Variants in CLCN5 observed in about 807,000 individuals in gnomAD.
CLCN5 encodes the protein H(+)/Cl(-) exchange transporter 5.
In CLCN5, 17 loss-of-function variants were observed where a neutral mutation model predicts 54.0. That is an observed-to-expected ratio of 0.31 (90% CI 0.22 to 0.47). CLCN5 has a LOEUF of 0.47. Ranked by LOEUF, CLCN5 falls within the 20% of genes least tolerant of loss-of-function variation. CLCN5 has a pLI of 1.00. For synonymous variants in CLCN5, 222 were observed against 233.0 expected (o/e 0.95, Z 0.43); for missense variants, 448 against 646.7 (o/e 0.69, Z 3.33).
At chrX:50,063,781 T>A (rs2147524043) in intron 4 of CLCN5, among the ~76,000 whole-genome samples, 1 of 110,637 alleles carries the variant, frequency 9.0e-6, no homozygotes, top group Admixed American at 9.6e-5. Flanking sequence ...GCAAACCGAA[T>A]CCAGCAGCAC....
intron 3 of CLCN5, among the ~76,000 whole-genome samples, chrX:49,971,123 G>T (rs1384528427): frequency 9.3e-6 from 1 of 107,442 alleles, no homozygotes; most frequent in African/African-American, 3.4e-5. Flanking sequence ...ATATAAAAAT[G>T]CATGGATTTT....
At chrX:49,990,670 T>G (rs782489404) in intron 3 of CLCN5, among the ~76,000 whole-genome samples, 2 of 112,116 alleles carry the variant, frequency 1.8e-5, no homozygotes, top group South Asian at 3.7e-4. Flanking sequence ...ACTCCTTACC[T>G]TAAGTGTTCT....
intron 3 of CLCN5, among the ~76,000 whole-genome samples, chrX:50,031,927 T>A (rs1291428503): frequency 1.1e-5 from 1 of 91,303 alleles, no homozygotes; most frequent in Non-Finnish European, 2.1e-5. Flanking sequence ...TGTCCATGTG[T>A]TCTCATTGTT....
At chrX:50,051,927 AT>A (rs1381489539) in intron 4 of CLCN5, among the ~76,000 whole-genome samples, 1 of 111,260 alleles carries the variant, frequency 9.0e-6, no homozygotes, top group African/African-American at 3.3e-5. Flanking sequence ...CCCCTTCAGG[AT>A]TTTTTTAGGA....
intron 4 of CLCN5, among the ~76,000 whole-genome samples, chrX:50,065,765 A>T: frequency 9.5e-6 from 1 of 104,921 alleles, no homozygotes; most frequent in Non-Finnish European, 1.9e-5. Flanking sequence ...ACCAAGCCAA[A>T]TGTCCAACAA....
At chrX:49,971,157 C>G (rs1256620841) in intron 3 of CLCN5, among the ~76,000 whole-genome samples, 1 of 105,785 alleles carries the variant, frequency 9.5e-6, no homozygotes, top group Non-Finnish European at 1.9e-5. Context: ...CTTGTATCCT[C>G]CAACCTTGCT....
At chrX:50,035,405 C>G (rs1196855126) in intron 3 of CLCN5, among the ~76,000 whole-genome samples, 2 of 111,593 alleles carry the variant, frequency 1.8e-5, no homozygotes, top group African/African-American at 6.5e-5. Flanking sequence ...CCTCAGTAAG[C>G]ATTTATTGAA....
chrX:49,975,538 A>G (rs1329420713), intron 3 of CLCN5, among the ~76,000 whole-genome samples: 1 of 111,246 alleles, frequency 9.0e-6, no homozygotes, highest in East Asian at 2.8e-4. Flanking sequence ...TCATCTTTGC[A>G]TATGCCCTGC....
At chrX:49,971,793 A>G (rs1412005847) in intron 3 of CLCN5, among the ~76,000 whole-genome samples, 3 of 112,004 alleles carry the variant, frequency 2.7e-5, no homozygotes, top group Non-Finnish European at 5.6e-5. Context: ...AAGATTTAGC[A>G]GATTTTGTTG....
chrX:49,937,792 G>A (rs1926080340), intron 3 of CLCN5, among the ~76,000 whole-genome samples: 1 of 111,647 alleles, frequency 9.0e-6, no homozygotes, highest in Non-Finnish European at 1.9e-5. Context: ...TTTAAATGTT[G>A]CAAGTGAATG....
chrX:50,028,253 G>C (rs1489888654), intron 3 of CLCN5, among the ~76,000 whole-genome samples: 2 of 111,730 alleles, frequency 1.8e-5, no homozygotes, highest in African/African-American at 6.5e-5. Flanking sequence ...TTTTCATGAA[G>C]GTATGCCTTA....
intron 3 of CLCN5, among the ~76,000 whole-genome samples, chrX:50,006,968 C>T (rs1426306158): frequency 9.0e-6 from 1 of 111,128 alleles, no homozygotes; most frequent in Non-Finnish European, 1.9e-5. Flanking sequence ...TTCCCACCCC[C>T]CAAGCACCCC....
At chrX:49,938,778 A>G (rs1264593711) in intron 3 of CLCN5, among the ~76,000 whole-genome samples, 1 of 105,555 alleles carries the variant, frequency 9.5e-6, no homozygotes, top group African/African-American at 3.4e-5. Flanking sequence ...ACAAAAGCCA[A>G]AATTGACAAA....
At chrX:50,042,026 T>G (rs1456403963) in intron 3 of CLCN5, among the ~76,000 whole-genome samples, 1 of 112,089 alleles carries the variant, frequency 8.9e-6, no homozygotes, top group Non-Finnish European at 1.9e-5. Context: ...GTGTCACATA[T>G]TGTGTGATTT....
intron 3 of CLCN5, among the ~76,000 whole-genome samples, chrX:50,033,068 C>T (rs1253255781): frequency 1.8e-5 from 2 of 111,023 alleles, no homozygotes; most frequent in Non-Finnish European, 3.8e-5. Flanking sequence ...CTGTTCTGTT[C>T]CATTGATCTA....
intron 9 of CLCN5, among the ~76,000 whole-genome samples, chrX:50,083,557 A>G (rs1273868518): frequency 8.9e-6 from 1 of 112,078 alleles, no homozygotes; most frequent in African/African-American, 3.2e-5. Context: ...TATTTTGATC[A>G]TTGAACTGTG....
At chrX:49,944,614 A>AG (rs1164088103) in intron 3 of CLCN5, among the ~76,000 whole-genome samples, 3 of 111,815 alleles carry the variant, frequency 2.7e-5, no homozygotes, top group Non-Finnish European at 3.8e-5. Context: ...TTTAGCATGA[A>AG]GGTTGTTGAA....
At chrX:49,948,613 C>T (rs1926881051) in intron 3 of CLCN5, among the ~76,000 whole-genome samples, 1 of 111,691 alleles carries the variant, frequency 9.0e-6, no homozygotes, top group South Asian at 3.7e-4. Flanking sequence ...TATGCATAGA[C>T]CCAAGGAAAT....
chrX:50,012,095 G>A (rs1371659324), intron 3 of CLCN5, among the ~76,000 whole-genome samples: 3 of 111,469 alleles, frequency 2.7e-5, no homozygotes, highest in Non-Finnish European at 3.8e-5. Context: ...CACATGCCTA[G>A]TGAGCATGTT....
Sources: gnomAD v4.1 joint callset for allele counts (sites outside exome capture counted in the v4.1 genomes callset) on GRCh38, gnomAD v4.1.1 for gene constraint, MANE v1.5 for transcripts, NCBI Gene and HGNC (gene_info 2026-07-23, HGNC 2026-07-21) for gene names.